TRRAP: variants seen among roughly 807,000 people sequenced by gnomAD.
TRRAP encodes transformation/transcription domain-associated protein.
TRRAP carries 41 observed loss-of-function variants against 438.8 expected under a neutral mutation model. The ratio of observed to expected loss-of-function variants is 0.09; its 90% CI spans 0.07 to 0.12. The LOEUF (loss-of-function observed/expected upper bound fraction) is 0.12. TRRAP is among the 10% of genes least tolerant of loss of function. The probability of loss-of-function intolerance (pLI) is 1.00; values close to 1 mark genes in which losing one functional copy is unlikely to be tolerated. For missense variants in TRRAP, 3,122 were observed against 5,055.1 expected (o/e 0.62, Z 11.60); for synonymous variants, 1,994 against 1,962.9 (o/e 1.02, Z -0.42).
intron 24 of TRRAP, 99 bp from the exon 25 acceptor site, chr7:98,930,534 C>A: frequency 6.8e-7 from 1 of 1,480,212 alleles, no homozygotes; most frequent in Non-Finnish European, 9.2e-7. Flanking sequence ...GCCGAGATCA[C>A]ACCATTGCAC....
At chr7:98,970,027 G>T in intron 51 of TRRAP, 85 bp from the exon 52 acceptor site, 2 of 1,520,802 alleles carry the variant, frequency 1.3e-6, no homozygotes, top group Non-Finnish European at 1.8e-6. Flanking sequence ...AGGTGCCTGA[G>T]TGAGGGGCAT....
chr7:98,999,391 C>A lies in TRRAP; in HGVS notation c.10309+4543C>A, dbSNP rs1793818002. On this transcript the variant is annotated intron_variant, in intron 67 of 72. Transcript: ENST00000456197. ...TGCACAGCTCTCTCATCCACAATTTCCTCTTGATCTACATGAGATCCAGCA... is the reference window on the plus strand; with the variant it reads ...TGCACAGCTCTCTCATCCACAATTTACTCTTGATCTACATGAGATCCAGCA... 1.2e-5 allele frequency: 15 copies of A among 1,298,426 alleles called. No homozygotes were observed. In the Admixed American group the frequency reaches 2.6e-4, roughly 23 times the overall value. 80.4% of individuals were successfully genotyped at this position (1,298,426 alleles called of 1,614,324 possible).
At chr7:98,901,673 CGAGT>C (rs1562932367) in intron 11 of TRRAP, among the ~76,000 whole-genome samples, 1 of 152,104 alleles carries the variant, frequency 6.6e-6, no homozygotes, top group Non-Finnish European at 1.5e-5. Context: ...CTCAGCCACT[CGAGT>C]AGCTAGGATT....
At chr7:98,929,853 C>G (rs1340308082) in intron 23 of TRRAP, 136 bp from the exon 24 acceptor site, 1 of 862,332 alleles carries the variant, frequency 1.2e-6, no homozygotes, top group Non-Finnish European at 1.8e-6. Flanking sequence ...CTCGGCCTCC[C>G]AGAGTGCTGG....
At chr7:99,001,384 A>G (rs989164746) in intron 67 of TRRAP, among the ~76,000 whole-genome samples, 1 of 152,238 alleles carries the variant, frequency 6.6e-6, no homozygotes, top group Non-Finnish European at 1.5e-5. Context: ...CCCTTCTGAG[A>G]ACGGAAGAGT....
At chr7:99,001,378 T>C (rs1361103681) in intron 67 of TRRAP, among the ~76,000 whole-genome samples, 1 of 152,232 alleles carries the variant, frequency 6.6e-6, no homozygotes, top group Non-Finnish European at 1.5e-5. Flanking sequence ...CTTTCACCCT[T>C]CTGAGAACGG....
chr7:98,978,376 G>T, intron 57 of TRRAP, 53 bp downstream of exon 57: 1 of 1,489,514 alleles, frequency 6.7e-7, no homozygotes, highest in Non-Finnish European at 9.2e-7. Context: ...GGGAACCAGG[G>T]AAAAATCTCT....
chr7:98,968,433 T>C (rs1263857776), intron 51 of TRRAP, among the ~76,000 whole-genome samples: 1 of 152,184 alleles, frequency 6.6e-6, no homozygotes, highest in Non-Finnish European at 1.5e-5. Flanking sequence ...GTGTTTAACA[T>C]GCTCAGTGTT....
rs147751423 is a variant in TRRAP at position 98,985,012 on chromosome 7, A to G, written c.9357A>G (p.Ala3119=). 1.2e-6 allele frequency: 2 copies of G among 1,613,206 alleles called. No homozygotes were observed. The highest frequency in any genetic ancestry group is 8.5e-7 in the Non-Finnish European group (1 of 1,179,454). ...AAGAGATGACAGCCGAATTTTATGC[A>G]CTGAAGGGAATGTTCTTGGCTCAGA... ...FTKEMTAEFY[A]LKGMFLAQIN... The change falls in exon 62 of 73, where the codon GCA becomes GCG. Residue 3119 remains alanine, a synonymous_variant. Coordinates refer to ENST00000456197, the MANE Select transcript of TRRAP (RefSeq NM_001375524.1).
chr7:98,976,422 G>C lies in TRRAP; in HGVS notation c.7960-61G>C. ...TAGGAAAGGTATTCTTGCATCGAGA[G>C]AGACAGCAAGACTTGCCGATTTTTG... On this transcript the variant is annotated intron_variant, in intron 54 of 72. Coordinates refer to ENST00000456197, the MANE Select transcript of TRRAP (RefSeq NM_001375524.1). The surrounding 1 kb of genome is among the most constrained non-coding windows in gnomAD (Gnocchi z 4.6). 6.3e-7 allele frequency: 1 copy of C among 1,580,414 alleles called. No individual in the cohort carries two copies. Among genetic ancestry groups the C allele is most frequent in the South Asian group, 1.1e-5 (1 of 87,722 alleles).
At chr7:98,991,158 C>G (rs1318320707) in intron 64 of TRRAP, among the ~76,000 whole-genome samples, 1 of 152,204 alleles carries the variant, frequency 6.6e-6, no homozygotes, top group Non-Finnish European at 1.5e-5. Flanking sequence ...TCATAACCAT[C>G]TCTTGAGAAT....
chr7:98,886,420 GGATATCTAGAGAGATATA>G lies in TRRAP; in HGVS notation c.151-3904_151-3887del, dbSNP rs1562925045. On this transcript the variant is annotated intron_variant, in intron 3 of 72. Transcript: ENST00000456197. ...TAGATATAGATATCTAGAGAGATATGGATATCTAGAGAGATATAGATATCTAGATAGATATAGATATCT... is the reference window on the plus strand; with the variant it reads ...TAGATATAGATATCTAGAGAGATATGGATATCTAGATAGATATAGATATCT... Among the ~76,000 whole-genome samples, 4 of 147,742 alleles carry G rather than the reference GGATATCTAGAGAGATATA, an allele frequency of 2.7e-5. No homozygotes were observed. The South Asian group carries it at 6.5e-4, about 24-fold the overall frequency.
intron 38 of TRRAP, among the ~76,000 whole-genome samples, chr7:98,950,640 T>A (rs1217998803): frequency 6.6e-6 from 1 of 152,196 alleles, no homozygotes; most frequent in Non-Finnish European, 1.5e-5. Context: ...TGCCTTGTTT[T>A]TAGAAAATGG....
chr7:98,912,308 T>C, intron 18 of TRRAP, 95 bp downstream of exon 18: 3 of 1,363,510 alleles, frequency 2.2e-6, no homozygotes, highest in Non-Finnish European at 3.0e-6. Context: ...TGGTCAGCGT[T>C]CTGGACTCAA....
intron 51 of TRRAP, among the ~76,000 whole-genome samples, 149 bp from the exon 52 acceptor site, chr7:98,969,953 AGCCCGTCTGG>A (rs1263731324): frequency 6.6e-6 from 1 of 152,026 alleles, no homozygotes; most frequent in Non-Finnish European, 1.5e-5. Flanking sequence ...GAGGAGAGGA[AGCCCGTCTGG>A]TTGGGGACAG....
Position 98,956,515 on chromosome 7 carries a change from C to G in TRRAP, c.6213C>G (p.Ala2071=), listed in dbSNP as rs140869162. Residue 2071 remains alanine (A), a synonymous_variant, in exon 43 of 73, where the codon GCC becomes GCG. Coordinates refer to ENST00000456197, the MANE Select transcript of TRRAP (RefSeq NM_001375524.1). The surrounding 1 kb of genome is among the most constrained non-coding windows in gnomAD (Gnocchi z 4.5). The stretch of plus-strand genomic sequence containing the variant: ...AGGAAGTGAAACGCTTTAGGACGGC[C>G]ACCGGAGCCATCAGTGCAGTAAGAT... The part of the protein sequence containing the change: ...SAQEVKRFRT[A]TGAISAVFGR... The G allele has an allele frequency of 3.6e-3, 5,811 of 1,614,070 alleles. 21 individuals are homozygous for G. The highest frequency in any genetic ancestry group is 4.2e-3 in the Non-Finnish European group (4,920 of 1,179,982).
intron 40 of TRRAP, among the ~76,000 whole-genome samples, chr7:98,954,644 A>G (rs1266111559): frequency 3.9e-5 from 6 of 152,172 alleles, no homozygotes; most frequent in African/African-American, 1.4e-4. Context: ...CTCTACCCTC[A>G]GAACTGGTCT....
chr7:98,985,320 G>T (rs1793101961), intron 62 of TRRAP, among the ~76,000 whole-genome samples: 1 of 152,226 alleles, frequency 6.6e-6, no homozygotes, highest in Non-Finnish European at 1.5e-5. Context: ...CATTTCCTCA[G>T]TCCGCCATTT....
intron 3 of TRRAP, among the ~76,000 whole-genome samples, chr7:98,887,743 A>AAG (rs1192170948): frequency 6.9e-6 from 1 of 145,440 alleles, no homozygotes; most frequent in Non-Finnish European, 1.5e-5. Flanking sequence ...AAAAAAAAAA[A>AAG]AAAAAAACTG....
Sources: allele counts gnomAD v4.1 joint callset (sites outside exome capture counted in the v4.1 genomes callset), GRCh38; gene constraint gnomAD v4.1.1; non-coding constraint Gnocchi (gnomAD v3.1); transcripts MANE v1.5; gene names NCBI Gene and HGNC (gene_info 2026-07-23, HGNC 2026-07-21).